Variants in CHL1 observed in about 807,000 individuals in gnomAD.
The protein encoded by CHL1 is neural cell adhesion molecule L1-like protein.
In CHL1, 96 loss-of-function variants were observed where a neutral mutation model predicts 141.9. That is an observed-to-expected ratio of 0.68 (90% CI 0.57 to 0.80). The LOEUF (loss-of-function observed/expected upper bound fraction) is 0.80. Ranked by LOEUF, CHL1 falls within the 30% of genes least tolerant of loss-of-function variation. The pLI is 0.00. For missense variants in CHL1, 1,820 were observed against 1,457.2 expected (o/e 1.25, Z -4.05); for synonymous variants, 613 against 502.2 (o/e 1.22, Z -2.95).
At chr3:253,302 CA>C (rs1559340315) in intron 2 of CHL1, among the ~76,000 whole-genome samples, 1 of 152,034 alleles carries the variant, frequency 6.6e-6, no homozygotes, top group Non-Finnish European at 1.5e-5. Flanking sequence ...GAGGATGGGA[CA>C]GTTAATGCGA....
intron 2 of CHL1, among the ~76,000 whole-genome samples, chr3:316,407 TGG>T (rs1378072202): frequency 6.6e-6 from 1 of 151,782 alleles, no homozygotes; most frequent in Non-Finnish European, 1.5e-5. Context: ...TGGCTTTTGA[TGG>T]CAAAAACCAC....
At chr3:334,286 T>C (rs1420729836) in intron 5 of CHL1, among the ~76,000 whole-genome samples, 1 of 152,180 alleles carries the variant, frequency 6.6e-6, no homozygotes, top group Non-Finnish European at 1.5e-5. Context: ...ATCCTCCTGC[T>C]TCAGCTTCCT....
chr3:310,545 C>A (rs1231916910), intron 2 of CHL1, among the ~76,000 whole-genome samples: 1 of 151,820 alleles, frequency 6.6e-6, no homozygotes, highest in African/African-American at 2.4e-5. Context: ...ATTATTGCTT[C>A]CTCTCACATA....
intron 1 of CHL1, among the ~76,000 whole-genome samples, chr3:243,169 G>T (rs995060802): frequency 2.0e-5 from 3 of 152,072 alleles, no homozygotes; most frequent in African/African-American, 7.2e-5. Flanking sequence ...GGAACAGCAG[G>T]GTCAGCAAAT....
chr3:251,996 G>C (rs949073268), intron 2 of CHL1, among the ~76,000 whole-genome samples: 1 of 151,766 alleles, frequency 6.6e-6, no homozygotes, highest in African/African-American at 2.4e-5. Flanking sequence ...CGAAATCCAA[G>C]GACTGCAAAA....
chr3:223,777 G>A (rs766682530), intron 1 of CHL1, among the ~76,000 whole-genome samples: 1 of 152,178 alleles, frequency 6.6e-6, no homozygotes, highest in Non-Finnish European at 1.5e-5. Flanking sequence ...GGTTTTTCCA[G>A]GATAGTTTGG....
At chr3:329,500 A>G (rs1701275474) in intron 5 of CHL1, among the ~76,000 whole-genome samples, 1 of 152,006 alleles carries the variant, frequency 6.6e-6, no homozygotes, top group African/African-American at 2.4e-5. Context: ...GCATCTTAAA[A>G]TTTATAAGTA....
chr3:203,293 G>A (rs991128389), intron 1 of CHL1, among the ~76,000 whole-genome samples: 2 of 152,194 alleles, frequency 1.3e-5, no homozygotes, highest in Admixed American at 6.5e-5. Flanking sequence ...AAATACTGGA[G>A]ATTTCATGTA....
intron 5 of CHL1, among the ~76,000 whole-genome samples, chr3:334,330 C>T (rs993464482): frequency 2.6e-5 from 4 of 152,108 alleles, no homozygotes; most frequent in African/African-American, 9.7e-5. Flanking sequence ...TGACACTATG[C>T]CCCACCAATG....
chr3:294,483 T>G (rs1698000861), intron 2 of CHL1, among the ~76,000 whole-genome samples: 1 of 152,214 alleles, frequency 6.6e-6, no homozygotes, highest in Admixed American at 6.5e-5. Flanking sequence ...TTACGTTGAC[T>G]GTGAGTCTTA....
At chr3:327,810 A>C (rs908902079) in intron 4 of CHL1, among the ~76,000 whole-genome samples, 6 of 151,972 alleles carry the variant, frequency 3.9e-5, no homozygotes, top group Admixed American at 3.9e-4. Context: ...TGGGATTTTG[A>C]GTGAGTTCCT....
Position 349,530 on chromosome 3 carries a change from C to G in CHL1, c.1020C>G (p.His340Gln). ...NFLGTATHDFHVIVEEPPRWT... is the reference protein window; with the variant it reads ...NFLGTATHDFQVIVEEPPRWT... ...TGGGAACAGCCACTCACGATTTTCA[C>G]GTTATAGTAGAAGGTACCTTTCCCA... The change falls in exon 10 of 28, where the codon CAC becomes CAG. Residue 340 changes from histidine (H) to glutamine (Q), a missense_variant. By Grantham distance (24) the His-to-Gln change is conservative. Transcript: ENST00000256509. The G allele has an allele frequency of 1.9e-6, 3 of 1,613,136 alleles. No individual in the cohort carries two copies. The highest frequency in any genetic ancestry group is 2.5e-6 in the Non-Finnish European group (3 of 1,179,578).
At chr3:395,184 A>G (rs1708570729) in intron 24 of CHL1, among the ~76,000 whole-genome samples, 1 of 152,246 alleles carries the variant, frequency 6.6e-6, no homozygotes, top group East Asian at 1.9e-4. Flanking sequence ...AAGCTATTCA[A>G]AAGGTTAGTA....
At chr3:223,871 A>C (rs915912620) in intron 1 of CHL1, among the ~76,000 whole-genome samples, 8 of 152,126 alleles carry the variant, frequency 5.3e-5, no homozygotes, top group African/African-American at 1.4e-4. Flanking sequence ...TTCTTACATG[A>C]AGTCACTTCT....
intron 24 of CHL1, among the ~76,000 whole-genome samples, chr3:397,284 C>G (rs1248962557): frequency 6.6e-6 from 1 of 151,960 alleles, no homozygotes; most frequent in African/African-American, 2.4e-5. Flanking sequence ...TATAATTGGC[C>G]TTATTTCTCT....
intron 2 of CHL1, chr3:309,392 C>CTTCCTTCCTTCCTTCCT (rs142838718): frequency 1.6e-4 from 21 of 134,056 alleles, no homozygotes; most frequent in African/African-American, 6.6e-4. Context: ...TCCTTCCTTC[C>CTTCCTTCCTTCCTTCCT]TCCTTCCTTC....
chr3:249,678 G>T (rs1342902706), intron 2 of CHL1, among the ~76,000 whole-genome samples: 1 of 152,098 alleles, frequency 6.6e-6, no homozygotes, highest in African/African-American at 2.4e-5. Context: ...CTTCACAGTT[G>T]CAAACAGCAG....
intron 23 of CHL1, among the ~76,000 whole-genome samples, chr3:392,956 G>A (rs886495275): frequency 1.4e-4 from 4 of 29,250 alleles, no homozygotes; most frequent in Non-Finnish European, 9.5e-4. Flanking sequence ...GGGAATTGAT[G>A]TACATCAGAG....
At chr3:339,631 A>G (rs1033223420) in intron 5 of CHL1, among the ~76,000 whole-genome samples, 1 of 152,198 alleles carries the variant, frequency 6.6e-6, no homozygotes, top group Non-Finnish European at 1.5e-5. Flanking sequence ...AGGTCCTTGA[A>G]TTTAGACAAA....
Sources: allele counts gnomAD v4.1 joint callset (sites outside exome capture counted in the v4.1 genomes callset), GRCh38; gene constraint gnomAD v4.1.1; transcripts MANE v1.5; gene names NCBI Gene and HGNC (gene_info 2026-07-23, HGNC 2026-07-21).